The following BMPR1A variants were observed in gnomAD, a reference collection of about 807,000 sequenced individuals.
BMPR1A encodes bone morphogenetic protein receptor type-1A.
A neutral mutation model predicts 66.0 loss-of-function variants in BMPR1A; 7 were observed. That is an observed-to-expected ratio of 0.11 (90% CI 0.06 to 0.20). BMPR1A has a LOEUF of 0.20. Ranked by LOEUF, BMPR1A falls within the 10% of genes least tolerant of loss-of-function variation. BMPR1A has a pLI of 1.00. For synonymous variants in BMPR1A, 200 were observed against 229.7 expected, an observed-to-expected ratio of 0.87 and a Z score of 1.17; for missense variants, 408 against 669.1, an observed-to-expected ratio of 0.61 and a Z score of 4.31.
At chr10:86,762,262 TAG>T (rs1841073982) in intron 1 of BMPR1A, among the ~76,000 whole-genome samples, 1 of 152,216 alleles carries the variant, frequency 6.6e-6, no homozygotes, top group South Asian at 2.1e-4. Flanking sequence ...GAGGAAGACA[TAG>T]GTTATAGGTT....
chr10:86,797,074 T>TC (rs200077112), intron 1 of BMPR1A, among the ~76,000 whole-genome samples: 18 of 143,838 alleles, frequency 1.3e-4, no homozygotes, highest in South Asian at 4.5e-4. Flanking sequence ...TTTTCTTTTT[T>TC]TTTTTTTTTT....
chr10:86,911,792 G>GAA (rs950642022), intron 7 of BMPR1A, among the ~76,000 whole-genome samples: 2 of 146,140 alleles, frequency 1.4e-5, no homozygotes, highest in South Asian at 4.3e-4. Flanking sequence ...GCAGTTCACA[G>GAA]AAAAAAAAAA....
At chr10:86,764,271 A>G (rs528147047) in intron 1 of BMPR1A, among the ~76,000 whole-genome samples, 145 of 152,368 alleles carry the variant, frequency 9.5e-4, no homozygotes, top group Non-Finnish European at 1.7e-3. Flanking sequence ...ATATTAAAGT[A>G]AAGGCTGTTA....
rs895847304 is a variant in BMPR1A at position 86,857,666 on chromosome 10, G to A, written c.-152-18201G>A. ...ATACTCACATGGTGGTTGGCAGGAG[G>A]CCTCAGTTCTTCACCCTATGGGCCT... is the stretch of plus-strand genomic sequence containing the variant. On this transcript the variant is annotated intron_variant, in intron 2 of 12. Coordinates refer to ENST00000372037, the MANE Select transcript of BMPR1A (RefSeq NM_004329.3). Among the ~76,000 whole-genome samples, 4 of 150,550 alleles carry A rather than the reference G, an allele frequency of 2.7e-5. No homozygotes were observed. The South Asian group carries it at 6.3e-4, about 24-fold the overall frequency.
intron 2 of BMPR1A, among the ~76,000 whole-genome samples, chr10:86,845,285 G>A (rs1219225504): frequency 5.9e-5 from 9 of 152,188 alleles, no homozygotes; most frequent in Admixed American, 2.6e-4. Flanking sequence ...TTCCCCCTGC[G>A]GGCAGCTGGG....
At chr10:86,796,066 A>C (rs1409532395) in intron 1 of BMPR1A, among the ~76,000 whole-genome samples, 1 of 152,182 alleles carries the variant, frequency 6.6e-6, no homozygotes, top group Non-Finnish European at 1.5e-5. Flanking sequence ...CTCTTAGATA[A>C]ATGAAGAGTT....
At chr10:86,824,089 G>A (rs867564936) in intron 1 of BMPR1A, among the ~76,000 whole-genome samples, 1 of 148,866 alleles carries the variant, frequency 6.7e-6, no homozygotes. Context: ...GGTTGTGTGT[G>A]TGTGTGTGTG....
intron 2 of BMPR1A, among the ~76,000 whole-genome samples, chr10:86,858,924 C>T (rs957647216): frequency 1.3e-5 from 2 of 152,018 alleles, no homozygotes; most frequent in African/African-American, 4.8e-5. Context: ...GAAAAAAAAT[C>T]CTAAAATTAA....
intron 2 of BMPR1A, among the ~76,000 whole-genome samples, chr10:86,861,212 A>C (rs1015184809): frequency 6.6e-6 from 1 of 152,158 alleles, no homozygotes; most frequent in African/African-American, 2.4e-5. Context: ...AATAAAGAAA[A>C]TAAAGTACAG....
At chr10:86,835,190 G>A (rs915397776) in intron 1 of BMPR1A, among the ~76,000 whole-genome samples, 2 of 149,934 alleles carry the variant, frequency 1.3e-5, no homozygotes, top group Non-Finnish European at 3.0e-5. Context: ...AGCCATGACC[G>A]TGCCACTGCA....
intron 3 of BMPR1A, among the ~76,000 whole-genome samples, chr10:86,880,236 ATATCT>A (rs1034779395): frequency 2.6e-5 from 4 of 152,114 alleles, no homozygotes; most frequent in Non-Finnish European, 5.9e-5. Flanking sequence ...ACACAGTTAA[ATATCT>A]TGTCTTGATG....
chr10:86,810,734 T>G (rs1354527648), intron 1 of BMPR1A, among the ~76,000 whole-genome samples: 1 of 152,266 alleles, frequency 6.6e-6, no homozygotes, highest in Non-Finnish European at 1.5e-5. Context: ...GATTCTTTGC[T>G]CATTTTTAAC....
chr10:86,822,403 A>G (rs768697849), intron 1 of BMPR1A, among the ~76,000 whole-genome samples: 4 of 152,168 alleles, frequency 2.6e-5, no homozygotes, highest in African/African-American at 9.7e-5. Context: ...AAGGGCACAC[A>G]CTTCAATGGT....
At chr10:86,775,323 T>C (rs1230076437) in intron 1 of BMPR1A, among the ~76,000 whole-genome samples, 3 of 152,208 alleles carry the variant, frequency 2.0e-5, no homozygotes, top group Admixed American at 6.5e-5. Context: ...TATTAATCTT[T>C]GGCCTGCTTG....
intron 1 of BMPR1A, among the ~76,000 whole-genome samples, chr10:86,790,174 AAAAAAAAAAAAAAAATATATAT>A (rs1253545316): frequency 1.0e-4 from 4 of 38,394 alleles, no homozygotes; most frequent in Admixed American, 4.2e-4. Flanking sequence ...AAAAAAAAAA[AAAAAAAAAAAAAAAATATATAT>A]ATATATATAT....
intron 1 of BMPR1A, among the ~76,000 whole-genome samples, chr10:86,780,839 C>G (rs1841426133): frequency 1.3e-5 from 2 of 152,078 alleles, no homozygotes; most frequent in Admixed American, 1.3e-4. Context: ...TTTAAACTTT[C>G]TAGTTGCCAC....
At chr10:86,881,137 T>G (rs1842980056) in intron 3 of BMPR1A, among the ~76,000 whole-genome samples, 2 of 152,106 alleles carry the variant, frequency 1.3e-5, no homozygotes, top group Non-Finnish European at 2.9e-5. Flanking sequence ...TATTCCTGGC[T>G]GAGGTGGGCG....
chr10:86,821,995 G>T (rs1459179343), intron 1 of BMPR1A, among the ~76,000 whole-genome samples: 2 of 152,162 alleles, frequency 1.3e-5, no homozygotes, highest in Admixed American at 1.3e-4. Context: ...GTAGAGAGGG[G>T]TTTTACCACG....
chr10:86,814,223 TTC>T (rs1344690098), intron 1 of BMPR1A, among the ~76,000 whole-genome samples: 5 of 152,180 alleles, frequency 3.3e-5, no homozygotes, highest in African/African-American at 9.6e-5. Context: ...TGGCCTCTAA[TTC>T]CTGGGCTCAA....
Sources: gnomAD v4.1 joint callset for allele counts (sites outside exome capture counted in the v4.1 genomes callset) on GRCh38, gnomAD v4.1.1 for gene constraint, MANE v1.5 for transcripts, NCBI Gene and HGNC (gene_info 2026-07-23, HGNC 2026-07-21) for gene names.